The following ZSCAN5A variants were observed in gnomAD, a reference collection of about 807,000 sequenced individuals.
The protein encoded by ZSCAN5A is zinc finger and SCAN domain-containing protein 5A.
ZSCAN5A carries 12 observed loss-of-function variants against 23.7 expected under a neutral mutation model. That is an observed-to-expected ratio of 0.51 (90% CI 0.32 to 0.82). The LOEUF is 0.82. Ranked by LOEUF, ZSCAN5A falls within the 40% of genes least tolerant of loss-of-function variation. The pLI is 0.03. For missense variants in ZSCAN5A, 597 were observed against 617.9 expected (o/e 0.97, Z 0.36); for synonymous variants, 257 against 239.9 (o/e 1.07, Z -0.66).
At chr19:56,297,865 C>G (rs1212351854) in intron 2 of ZSCAN5A, 1 of 152,140 alleles carries the variant, frequency 6.6e-6, no homozygotes, top group African/African-American at 2.4e-5. Context: ...GCCGGAAAAC[C>G]AGAAAATAGC....
chr19:56,366,419 T>C (rs886826486), intron 1 of ZSCAN5A, among the ~76,000 whole-genome samples: 23 of 119,292 alleles, frequency 1.9e-4, no homozygotes, highest in African/African-American at 7.7e-4. Context: ...CGAGACTCTG[T>C]CTCAAAAAAA....
At chr19:56,286,119 T>A (rs2039100864) in intron 2 of ZSCAN5A, among the ~76,000 whole-genome samples, 2 of 152,074 alleles carry the variant, frequency 1.3e-5, no homozygotes, top group Non-Finnish European at 2.9e-5. Flanking sequence ...CCTCCCGGGT[T>A]CAAGCGATTC....
intron 2 of ZSCAN5A, chr19:56,274,985 G>A (rs1403799816): frequency 2.0e-5 from 3 of 152,162 alleles, no homozygotes; most frequent in African/African-American, 4.8e-5. Flanking sequence ...GCTTTCTCAT[G>A]ATTGGATTGA....
At chr19:56,237,980 C>CACAGAGACACACACGG (rs2035084227) in intron 2 of ZSCAN5A, among the ~76,000 whole-genome samples, 4 of 87,852 alleles carry the variant, frequency 4.6e-5, no homozygotes, top group Non-Finnish European at 7.2e-5. Flanking sequence ...CACGGACACA[C>CACAGAGACACACACGG]ACACATACAC....
chr19:56,361,760 T>G (rs1245273742), intron 2 of ZSCAN5A, among the ~76,000 whole-genome samples: 1 of 152,008 alleles, frequency 6.6e-6, no homozygotes, highest in Non-Finnish European at 1.5e-5. Context: ...CATGCCAGGT[T>G]TAATACCTAG....
At position 56,352,202 on chromosome 19, in the gene ZSCAN5A, C is replaced by T. The variant is rs985019617; in HGVS notation, c.-358+11033G>A. Reference sequence around the variant, plus strand: ...CTGCAAGCTCCGCCTCCTGGATTCACGCCATTCTCCTGCCTCAGCCTCCCA... The same window carrying T: ...CTGCAAGCTCCGCCTCCTGGATTCATGCCATTCTCCTGCCTCAGCCTCCCA... On this transcript the variant is annotated intron_variant, in intron 2 of 6. Transcript: ENST00000587340. This position sits in a 1 kb window ranked among gnomAD's most constrained non-coding sequence, Gnocchi z 4.2. 4.7e-5 allele frequency among the ~76,000 whole-genome samples: 7 copies of T among 148,712 alleles called. No individual in the cohort carries two copies. The highest frequency in any genetic ancestry group is 2.1e-4 in the South Asian group (1 of 4,822).
In ZSCAN5A at chr19:56,267,192, C is replaced by A. The variant is rs139418677; in HGVS notation, c.-127-42019G>T. 2.7e-4 allele frequency among the ~76,000 whole-genome samples: 41 copies of A among 152,272 alleles called. No homozygotes were observed. In the East Asian group the frequency reaches 7.7e-3, roughly 29 times the overall value. On this transcript the variant is annotated intron_variant, in intron 2 of 5. Coordinates refer to ENST00000683990, the MANE Select transcript of ZSCAN5A (RefSeq NM_001322064.3). ...CTAACACATGGCCCTATTTCAGTTT[C>A]TTTGCAGCAATGACCAGTACATGAA...
rs149042071 is a variant in ZSCAN5A at position 56,253,865 on chromosome 19, T to G, written c.-127-28692A>C. ...CCACTAGCATCATACGCACCCAGCT[T>G]ATGTTAAAAATTTAAAGTTAGAATG... On this transcript the variant is annotated intron_variant, in intron 2 of 5. Coordinates refer to ENST00000683990, the MANE Select transcript of ZSCAN5A (RefSeq NM_001322064.3). Among the ~76,000 whole-genome samples the G allele has an allele frequency of 5.1e-3, 784 of 152,286 alleles. 11 individuals are homozygous for G. The highest frequency in any genetic ancestry group is 5.7e-3 in the Non-Finnish European group (385 of 68,020).
intron 4 of ZSCAN5A, 47 bp from the exon 5 acceptor site, chr19:56,222,788 G>A (rs1458813469): frequency 6.2e-7 from 1 of 1,613,332 alleles, no homozygotes; most frequent in Non-Finnish European, 8.5e-7. Context: ...CCAAACTGGT[G>A]GAAGCAGGGA....
chr19:56,318,795 C>T (rs1233946020), upstream of ZSCAN5A, among the ~76,000 whole-genome samples: 123 of 152,086 alleles, frequency 8.1e-4, no homozygotes, highest in Non-Finnish European at 2.5e-4. Context: ...AGAGGGATCA[C>T]GCATTTAATA....
chr19:56,362,572 A>G lies in ZSCAN5A; in HGVS notation c.-358+663T>C, dbSNP rs966276603. Among the ~76,000 whole-genome samples, 4 of 151,742 alleles carry G rather than the reference A, an allele frequency of 2.6e-5. No individual in the cohort carries two copies. In the East Asian group the frequency reaches 7.8e-4, roughly 29 times the overall value. On this transcript the variant is annotated intron_variant, in intron 2 of 6. Transcript: ENST00000587340. ...GCTCCATCTCAATAAATAAAATAAA[A>G]TAAAATAAAAAAGATGGCCGGACGC...
rs370034645 is a variant in ZSCAN5A at position 56,357,663 on chromosome 19, G to T, written c.-358+5572C>A. On this transcript the variant is annotated intron_variant, in intron 2 of 6. Coordinates refer to the ZSCAN5A transcript ENST00000587340. ...CTCTTCAAAACTACAAAAACACCCT[G>T]AAGTACACAGACCAACGACACCATG... Among the ~76,000 whole-genome samples the T allele has an allele frequency of 8.4e-4, 124 of 147,970 alleles. 14 individuals are homozygous for T. The highest frequency in any genetic ancestry group is 3.0e-3 in the African/African-American group (117 of 39,112).
Position 56,352,806 on chromosome 19 carries a change from T to C in ZSCAN5A, c.-358+10429A>G, listed in dbSNP as rs187587515. 1.3e-5 allele frequency among the ~76,000 whole-genome samples: 2 copies of C among 152,160 alleles called. No individual in the cohort carries two copies. Among genetic ancestry groups the C allele is most frequent in the East Asian group, 3.9e-4 (2 of 5,188 alleles). On this transcript the variant is annotated intron_variant, in intron 2 of 6. Transcript: ENST00000587340. The surrounding 1 kb of genome is among the most constrained non-coding windows in gnomAD (Gnocchi z 4.2). ...TGTTGAAACTGGGTGCAACACAGTT[T>C]CAACACAGATGTCCAAAGTCCAGGC...
At chr19:56,324,799 C>T (rs1293317143) in intron 2 of ZSCAN5A, among the ~76,000 whole-genome samples, 3 of 152,238 alleles carry the variant, frequency 2.0e-5, no homozygotes, top group African/African-American at 2.4e-5. Flanking sequence ...AGTCCTGGAA[C>T]AGGTTGTGTG....
intron 2 of ZSCAN5A, among the ~76,000 whole-genome samples, chr19:56,323,390 T>A (rs1480102395): frequency 1.3e-5 from 2 of 151,572 alleles, no homozygotes; most frequent in Non-Finnish European, 2.9e-5. Flanking sequence ...CCCAGGCTGA[T>A]CTCAAACTCC....
chr19:56,261,670 TAGGGGAGAAAA>T lies in ZSCAN5A; in HGVS notation c.-127-36508_-127-36498del, dbSNP rs970024269. On this transcript the variant is annotated intron_variant, in intron 2 of 5. Coordinates refer to ENST00000683990, the MANE Select transcript of ZSCAN5A (RefSeq NM_001322064.3). ...ATCAAAATACAACTGAAAAGTGTAT[TAGGGGAGAAAA>T]AGGGGAGAAAAAGAGATTATTTCTT... 7.2e-5 allele frequency among the ~76,000 whole-genome samples: 11 copies of T among 151,954 alleles called. 1 individual carries two copies. The South Asian group carries it at 1.3e-3, about 17-fold the overall frequency.
chr19:56,244,797 G>A (rs2146660654), intron 2 of ZSCAN5A, among the ~76,000 whole-genome samples: 1 of 150,148 alleles, frequency 6.7e-6, no homozygotes, highest in African/African-American at 2.5e-5. Flanking sequence ...TGAAATATTA[G>A]GTCTGATGGA....
Position 56,221,912 on chromosome 19 carries a change from T to C in ZSCAN5A, c.1154A>G (p.Gln385Arg), listed in dbSNP as rs1462311947. 2 of 1,614,092 alleles carry C rather than the reference T, an allele frequency of 1.2e-6. No homozygotes were observed. The highest frequency in any genetic ancestry group is 3.3e-5 in the Admixed American group (2 of 60,010). Residue 385 changes from glutamine (Q) to arginine (R), a missense_variant, in exon 6 of 6, where the codon CAA becomes CGA. This residue lies in a region of ZSCAN5A where 406 missense variants were observed against 353.2 expected (regional missense o/e 1.15). Transcript: ENST00000683990. ...GAAGCGCTTCCCACAGAGATTACAT[T>C]GAAAGAGTCTCTCGCCTGTGTGTGA... ...KRSHTGERLF[Q>R]CNLCGKRFMQ...
upstream of ZSCAN5A, among the ~76,000 whole-genome samples, chr19:56,318,231 CTTT>C (rs35648605): frequency 6.7e-6 from 1 of 148,740 alleles, no homozygotes; most frequent in Non-Finnish European, 1.5e-5. Context: ...ACTTCACCAG[CTTT>C]TTTTTTTGAC....
Sources: allele counts gnomAD v4.1 joint callset (sites outside exome capture counted in the v4.1 genomes callset), GRCh38; gene constraint gnomAD v4.1.1; regional missense constraint gnomAD v4.1.1; non-coding constraint Gnocchi (gnomAD v3.1); transcripts MANE v1.5; gene names NCBI Gene and HGNC (gene_info 2026-07-23, HGNC 2026-07-21).